Variants in SMCHD1 observed in about 807,000 individuals in gnomAD.
SMCHD1 encodes structural maintenance of chromosomes flexible hinge domain-containing protein 1.
Under a neutral mutation model 254.7 loss-of-function variants are expected in SMCHD1, and 78 were observed. The observed-to-expected ratio is 0.31, with a 90% CI of 0.26 to 0.37. The LOEUF is 0.37. Ranked by LOEUF, SMCHD1 falls within the 10% of genes least tolerant of loss-of-function variation. The probability of loss-of-function intolerance (pLI) is 1.00; values close to 1 mark genes in which losing one functional copy is unlikely to be tolerated. For synonymous variants in SMCHD1, 766 were observed against 794.9 expected (o/e 0.96, Z 0.61); for missense variants, 1,840 against 2,408.1 (o/e 0.76, Z 4.94).
At chr18:2,676,472 AG>A (rs1568109839) in intron 5 of SMCHD1, among the ~76,000 whole-genome samples, 1 of 152,208 alleles carries the variant, frequency 6.6e-6, no homozygotes, top group Non-Finnish European at 1.5e-5. Flanking sequence ...TTCAGGTAGA[AG>A]AAGCACCAGC....
intron 35 of SMCHD1, among the ~76,000 whole-genome samples, chr18:2,761,348 C>T (rs2075779780): frequency 6.6e-6 from 1 of 152,096 alleles, no homozygotes; most frequent in South Asian, 2.1e-4. Context: ...TCATTAGAAG[C>T]CCAAACCTCA....
intron 4 of SMCHD1, 79 bp downstream of exon 4, chr18:2,673,442 A>G: frequency 1.0e-6 from 1 of 1,001,340 alleles, no homozygotes; most frequent in Non-Finnish European, 1.4e-6. Flanking sequence ...AAATGAGAAA[A>G]TAGAGATAAA....
Position 2,769,721 on chromosome 18 carries a change from G to A in SMCHD1, c.4747G>A (p.Gly1583Arg). The A allele has an allele frequency of 6.2e-7, 1 of 1,601,682 alleles. No homozygotes were observed. ...TCTGGTGCTGGCAGAAAGTAGTCCT[G>A]GAAGGGATAGTACTGAATATTTTAT... is the stretch of plus-strand genomic sequence containing the variant. ...MSLVLAESSP[G>R]RDSTEYFIVF... is the part of the protein sequence containing the mutation. The change falls in exon 38 of 48, where the codon GGA (glycine) becomes AGA (arginine). Residue 1583 changes from glycine to arginine, a missense_variant. Physicochemically the swap from Gly to Arg is moderately radical, Grantham distance 125. This residue lies in a region of SMCHD1 where 881 missense variants were observed against 1,009.5 expected (regional missense o/e 0.87). Coordinates refer to ENST00000320876, the MANE Select transcript of SMCHD1 (RefSeq NM_015295.3).
intron 1 of SMCHD1, among the ~76,000 whole-genome samples, chr18:2,661,073 C>T (rs547587046): frequency 2.6e-5 from 4 of 152,130 alleles, no homozygotes; most frequent in African/African-American, 9.7e-5. Context: ...CAAACTAACA[C>T]AGGAACAGAA....
chr18:2,769,342 A>G (rs1040838481), intron 37 of SMCHD1, among the ~76,000 whole-genome samples: 5 of 152,112 alleles, frequency 3.3e-5, no homozygotes, highest in African/African-American at 9.7e-5. Context: ...GCTGCTTTCA[A>G]TTTAGAGGTT....
intron 5 of SMCHD1, among the ~76,000 whole-genome samples, chr18:2,675,912 C>G (rs2073737306): frequency 6.6e-6 from 1 of 152,162 alleles, no homozygotes; most frequent in Non-Finnish European, 1.5e-5. Context: ...AATCTTTTTG[C>G]TGCTGGTTTT....
intron 4 of SMCHD1, 133 bp downstream of exon 4, chr18:2,673,496 T>A (rs2073666375): frequency 2.7e-6 from 2 of 738,944 alleles, no homozygotes; most frequent in Admixed American, 3.5e-5. Context: ...CATCCATTGT[T>A]AAAATTTTTT....
rs1490694439 is a variant in SMCHD1 at position 2,770,070 on chromosome 18, T to C, written c.4928T>C (p.Leu1643Ser). 2 of 1,601,600 alleles carry C rather than the reference T, an allele frequency of 1.2e-6. No individual in the cohort carries two copies. Among genetic ancestry groups the C allele is most frequent in the Non-Finnish European group, 1.7e-6 (2 of 1,177,116 alleles). Residue 1643 changes from leucine (L) to serine (S), a missense_variant, in exon 39 of 48, where the codon TTA becomes TCA. By Grantham distance (145) the Leu-to-Ser change is moderately radical (BLOSUM62 -2). Around this residue, in one of 9 missense-constraint regions of SMCHD1, gnomAD observed 881 missense variants for 1,009.5 expected, o/e 0.87. Coordinates refer to ENST00000320876, the MANE Select transcript of SMCHD1 (RefSeq NM_015295.3). ...CAGTCTATTGTTATGTATAAAAGTT[T>C]ATTTGAAGCCAGCCAACAGCTTCTT... ...LSQSIVMYKSLFEASQQLLNE... is the reference protein window; with the variant it reads ...LSQSIVMYKSSFEASQQLLNE...
chr18:2,768,738 A>G (rs1276689174), intron 37 of SMCHD1, among the ~76,000 whole-genome samples: 1 of 117,802 alleles, frequency 8.5e-6, no homozygotes, highest in African/African-American at 2.8e-5. Context: ...ATTGGCATCT[A>G]TACATTCACA....
chr18:2,730,417 A>G (rs2111678), intron 24 of SMCHD1, among the ~76,000 whole-genome samples: 45,419 of 151,890 alleles, frequency 0.3, 7,006 homozygotes, highest in East Asian at 0.5. Context: ...TGATCCACCC[A>G]CCTCGGCCTC....
chr18:2,657,058 A>G (rs2073090260), intron 1 of SMCHD1, among the ~76,000 whole-genome samples: 1 of 152,194 alleles, frequency 6.6e-6, no homozygotes, highest in South Asian at 2.1e-4. Flanking sequence ...TGAAGAAGGA[A>G]TATTGTCATG....
At chr18:2,700,270 G>GT (rs1448647194) in intron 10 of SMCHD1, among the ~76,000 whole-genome samples, 2 of 152,162 alleles carry the variant, frequency 1.3e-5, no homozygotes, top group African/African-American at 4.8e-5. Flanking sequence ...CTTTTTGGAT[G>GT]TAAGACTCTT....
In SMCHD1 at chr18:2,718,370, A is replaced by G. The variant is rs768660782; in HGVS notation, c.2394A>G (p.Glu798=). The part of the protein sequence containing the change: ...YTLKLQVVLN[E]SNADTYAGRP... ...TGAAATTACAAGTTGTGTTGAATGA[A>G]AGTAATGCAGACACTTATGCAGGAA... Residue 798 remains glutamate, a synonymous_variant, in exon 19 of 48, where the codon GAA becomes GAG. Coordinates refer to ENST00000320876, the MANE Select transcript of SMCHD1 (RefSeq NM_015295.3). This position sits in a 1 kb window ranked among gnomAD's most constrained non-coding sequence, Gnocchi z 4.6. 1 of 1,612,758 alleles carries G rather than the reference A, an allele frequency of 6.2e-7. No individual in the cohort carries two copies. The highest frequency in any genetic ancestry group is 8.5e-7 in the Non-Finnish European group (1 of 1,179,088).
chr18:2,779,588 G>A (rs947504671), intron 44 of SMCHD1, among the ~76,000 whole-genome samples: 5 of 152,076 alleles, frequency 3.3e-5, no homozygotes, highest in Non-Finnish European at 5.9e-5. Flanking sequence ...CTAGAATCAC[G>A]GGGACTATAG....
chr18:2,732,543 G>T, intron 25 of SMCHD1, 51 bp downstream of exon 25: 7 of 1,254,252 alleles, frequency 5.6e-6, no homozygotes, highest in South Asian at 2.9e-5. Context: ...TAAATTTTAT[G>T]TTTGTAAGAC....
At chr18:2,749,280 T>A (rs965065120) in intron 30 of SMCHD1, among the ~76,000 whole-genome samples, 5 of 152,232 alleles carry the variant, frequency 3.3e-5, no homozygotes, top group African/African-American at 4.8e-5. Context: ...GCATGTACCA[T>A]TATTACCTAC....
intron 42 of SMCHD1, among the ~76,000 whole-genome samples, chr18:2,777,181 T>C (rs912244145): frequency 5.3e-5 from 8 of 152,148 alleles, no homozygotes; most frequent in Non-Finnish European, 7.3e-5. Flanking sequence ...AAGTATGGAT[T>C]TGACATTTAG....
intron 1 of SMCHD1, among the ~76,000 whole-genome samples, chr18:2,661,336 A>C (rs746619102): frequency 1.0e-5 from 1 of 100,186 alleles, no homozygotes; most frequent in Non-Finnish European, 1.7e-5. Context: ...CCAGGAACTT[A>C]AAAAAAAAAA....
At position 2,770,060 on chromosome 18, in the gene SMCHD1, T is replaced by C; in HGVS notation, c.4918T>C (p.Tyr1640His). The change falls in exon 39 of 48, where the codon TAT becomes CAT. Residue 1640 changes from tyrosine (Y) to histidine (H), a missense_variant. Transcript: ENST00000320876. ...KDQLSQSIVM[Y>H]KSLFEASQQL... is the part of the protein sequence containing the mutation. ...CCAATTATCTCAGTCTATTGTTATG[T>C]ATAAAAGTTTATTTGAAGCCAGCCA... The C allele has an allele frequency of 6.2e-7, 1 of 1,603,018 alleles. No individual in the cohort carries two copies.
Sources: gnomAD v4.1 joint callset for allele counts (sites outside exome capture counted in the v4.1 genomes callset) on GRCh38, gnomAD v4.1.1 for gene constraint, gnomAD v4.1.1 regional missense constraint, Gnocchi (gnomAD v3.1) non-coding constraint, MANE v1.5 for transcripts, NCBI Gene and HGNC (gene_info 2026-07-23, HGNC 2026-07-21) for gene names.